NEK1: variants seen among roughly 807,000 people sequenced by gnomAD.
The protein encoded by NEK1 is NIMA related kinase 1, also known as serine/threonine-protein kinase Nek1.
A neutral mutation model predicts 182.1 loss-of-function variants in NEK1; 137 were observed. The observed-to-expected ratio is 0.75, with a 90% CI of 0.65 to 0.87. NEK1 has a LOEUF of 0.87. Among genes scored for constraint, NEK1 ranks in the 40% least tolerant of loss-of-function variants. NEK1 has a pLI of 0.00. For synonymous variants in NEK1, 513 were observed against 492.2 expected (o/e 1.04, Z -0.56); for missense variants, 1,391 against 1,494.4 (o/e 0.93, Z 1.14).
At chr4:169,487,387 C>G (rs1749227142) in intron 23 of NEK1, among the ~76,000 whole-genome samples, 1 of 152,186 alleles carries the variant, frequency 6.6e-6, no homozygotes, top group Non-Finnish European at 1.5e-5. Context: ...TCGTTCAGCT[C>G]CCACTTATAA....
intron 23 of NEK1, among the ~76,000 whole-genome samples, chr4:169,483,638 G>A (rs555337977): frequency 5.3e-5 from 8 of 152,124 alleles, no homozygotes; most frequent in East Asian, 1.9e-4. Flanking sequence ...AGGCCAAGGC[G>A]GGTGGATCAC....
intron 27 of NEK1, among the ~76,000 whole-genome samples, chr4:169,457,585 C>T (rs1014221492): frequency 2.0e-5 from 3 of 147,492 alleles, no homozygotes; most frequent in Non-Finnish European, 3.0e-5. Context: ...GACTCCATTG[C>T]TGTTAGAAAA....
intron 31 of NEK1, 87 bp from the exon 32 acceptor site, chr4:169,406,834 G>A: frequency 9.2e-7 from 1 of 1,085,070 alleles, no homozygotes; most frequent in East Asian, 2.8e-5. Context: ...TCACAATTTT[G>A]TTACATATGT....
intron 19 of NEK1, among the ~76,000 whole-genome samples, chr4:169,512,106 A>T (rs1310463608): frequency 6.6e-6 from 1 of 152,116 alleles, no homozygotes; most frequent in Non-Finnish European, 1.5e-5. Context: ...AGTGACAACA[A>T]GTTTTCTTTT....
intron 2 of NEK1, among the ~76,000 whole-genome samples, chr4:169,606,919 A>T (rs999605765): frequency 3.3e-5 from 5 of 152,252 alleles, no homozygotes; most frequent in African/African-American, 1.2e-4. Context: ...TTTTCCCTGA[A>T]GAGAGTTTCC....
Position 169,577,177 on chromosome 4 carries a change from A to G in NEK1, c.869-98T>C, listed in dbSNP as rs150058797. 1,230 of 1,129,068 alleles carry G rather than the reference A, an allele frequency of 1.1e-3. 8 individuals are homozygous for G. In the African/African-American group the frequency reaches 0.018, roughly 16 times the overall value. The allele number at this position is 1,129,068 out of a possible 1,614,324, so 69.9% of individuals were successfully genotyped here. A position where few individuals can be genotyped will look rare whatever the true frequency, so the allele number is the denominator to read the frequency against. On this transcript the variant is annotated intron_variant, in intron 11 of 35. Coordinates refer to ENST00000507142, the MANE Select transcript of NEK1 (RefSeq NM_001199397.3). ...ATAGCACTGTTTAATTTTCATAATC[A>G]TTGATAGTATTTTAAACTTTCTATC...
At chr4:169,598,565 C>A (rs538095937) in intron 5 of NEK1, among the ~76,000 whole-genome samples, 9 of 152,062 alleles carry the variant, frequency 5.9e-5, no homozygotes, top group African/African-American at 2.2e-4. Context: ...ACATGTGGCC[C>A]GGTGCCTAAC....
chr4:169,468,631 A>T (rs1176680807), intron 26 of NEK1, among the ~76,000 whole-genome samples: 2 of 152,334 alleles, frequency 1.3e-5, no homozygotes, highest in East Asian at 3.9e-4. Flanking sequence ...TGCTGGTCTC[A>T]TAAAATTAGT....
At position 169,445,865 on chromosome 4, in the gene NEK1, T is replaced by TATACACACACACACAC. The variant is rs569539235; in HGVS notation, c.2588-7607_2588-7606insGTGTGTGTGTGTGTAT. Among the ~76,000 whole-genome samples, 84 of 143,274 alleles carry TATACACACACACACAC rather than the reference T, an allele frequency of 5.9e-4. 2 individuals carry two copies. The highest frequency in any genetic ancestry group is 8.8e-4 in the Non-Finnish European group (59 of 66,988). 94.0% of individuals were successfully genotyped at this position (143,274 alleles called of 152,430 possible). A position where few individuals can be genotyped will look rare whatever the true frequency, so the allele number is the denominator to read the frequency against. On this transcript the variant is annotated intron_variant, in intron 27 of 35. Transcript: ENST00000507142. ...AACTATATACATATATATATATATATACACACACACACACACACACATGCA... is the reference window on the plus strand; with the variant it reads ...AACTATATACATATATATATATATATATACACACACACACACACACACACACACACACACACATGCA...
chr4:169,550,504 C>T (rs1317440017), intron 18 of NEK1, among the ~76,000 whole-genome samples: 2 of 152,196 alleles, frequency 1.3e-5, no homozygotes, highest in African/African-American at 2.4e-5. Flanking sequence ...CAACAAGTTA[C>T]TTAATTACAC....
chr4:169,567,405 A>AAAT (rs1554069542), intron 12 of NEK1, among the ~76,000 whole-genome samples: 2 of 146,768 alleles, frequency 1.4e-5, no homozygotes, highest in African/African-American at 5.0e-5. Context: ...GAAAAAAAAA[A>AAAT]TTTTTTTTTT....
chr4:169,592,348 A>T, intron 5 of NEK1, among the ~76,000 whole-genome samples: 1 of 152,212 alleles, frequency 6.6e-6, no homozygotes, highest in East Asian at 1.9e-4. Flanking sequence ...CTGATTAAAT[A>T]TATTGTATGA....
At chr4:169,486,326 A>G (rs1464833760) in intron 23 of NEK1, among the ~76,000 whole-genome samples, 1 of 152,204 alleles carries the variant, frequency 6.6e-6, no homozygotes, top group Non-Finnish European at 1.5e-5. Context: ...TGAAAAATTA[A>G]GCAGCAGTGC....
rs72692925 is a variant in NEK1, at chr4:169,553,241, G to A, written c.1562+2479C>T. On this transcript the variant is annotated intron_variant, in intron 18 of 35. Coordinates refer to ENST00000507142, the MANE Select transcript of NEK1 (RefSeq NM_001199397.3). ...CTTTGTCAACCAATCACTGACAAAGGAGCAAAGGCAATTCAAAGAAACAAA... is the reference window on the plus strand; with the variant it reads ...CTTTGTCAACCAATCACTGACAAAGAAGCAAAGGCAATTCAAAGAAACAAA... Among the ~76,000 whole-genome samples the A allele has an allele frequency of 4.0e-3, 606 of 152,238 alleles. 5 individuals are homozygous for A. The highest frequency in any genetic ancestry group is 0.03 in the South Asian group (146 of 4,820).
intron 19 of NEK1, among the ~76,000 whole-genome samples, chr4:169,532,845 G>C (rs1036571692): frequency 6.6e-6 from 1 of 151,918 alleles, no homozygotes; most frequent in Admixed American, 6.6e-5. Flanking sequence ...CCAGCTACTT[G>C]GGAGGCTGAG....
chr4:169,610,845 T>C (rs1207599060), intron 2 of NEK1, among the ~76,000 whole-genome samples: 1 of 152,232 alleles, frequency 6.6e-6, no homozygotes. Context: ...AGAAGTCTTT[T>C]GGCGCTGTAT....
intron 19 of NEK1, among the ~76,000 whole-genome samples, chr4:169,533,004 A>C (rs1757919756): frequency 6.6e-6 from 1 of 152,136 alleles, no homozygotes; most frequent in Non-Finnish European, 1.5e-5. Flanking sequence ...TACTTAGTCT[A>C]ATCTACTGTC....
In NEK1 at chr4:169,561,833, T is replaced by C. The variant is rs1206294253; in HGVS notation, c.1139A>G (p.Gln380Arg). 3.1e-6 allele frequency: 5 copies of C among 1,610,318 alleles called. No individual in the cohort carries two copies. Among genetic ancestry groups the C allele is most frequent in the African/African-American group, 2.7e-5 (2 of 74,798 alleles). ...FIEKEKKQKD[Q>R]IISLMKAEQM... is the part of the protein sequence containing the mutation. The stretch of plus-strand genomic sequence containing the variant: ...AGAAAAACAAGAGCAAAAAACTACC[T>C]GATCCTTTTGTTTCTTTTCTTTTTC... The change falls in exon 14 of 36, where the codon CAG (glutamine) becomes CGG (arginine). Residue 380 changes from glutamine (Q) to arginine (R), a missense_variant and splice_region_variant. Around this residue, in one of 5 missense-constraint regions of NEK1, gnomAD observed 1,216 missense variants for 1,277.6 expected, o/e 0.95. Coordinates refer to ENST00000507142, the MANE Select transcript of NEK1 (RefSeq NM_001199397.3).
intron 31 of NEK1, among the ~76,000 whole-genome samples, chr4:169,420,023 C>A (rs1229501287): frequency 2.6e-5 from 4 of 152,104 alleles, no homozygotes; most frequent in Non-Finnish European, 5.9e-5. Flanking sequence ...CTACTGTGGA[C>A]TTTATAAACA....
Sources: gnomAD v4.1 joint callset for allele counts (sites outside exome capture counted in the v4.1 genomes callset) on GRCh38, gnomAD v4.1.1 for gene constraint, gnomAD v4.1.1 regional missense constraint, MANE v1.5 for transcripts, NCBI Gene and HGNC (gene_info 2026-07-23, HGNC 2026-07-21) for gene names.